Variants in NAALADL2 observed in about 807,000 individuals in gnomAD.
NAALADL2 encodes the protein N-acetylated alpha-linked acidic dipeptidase like 2.
A neutral mutation model predicts 87.2 loss-of-function variants in NAALADL2; 76 were observed. The observed-to-expected ratio is 0.87, with a 90% confidence interval of 0.72 to 1.05. The LOEUF is 1.05. Among genes scored for constraint, NAALADL2 ranks in the 50% least tolerant of loss-of-function variants. The probability of loss-of-function intolerance (pLI) is 0.00; values close to 1 mark genes in which losing one functional copy is unlikely to be tolerated. For missense variants in NAALADL2, 1,089 were observed against 945.8 expected, an observed-to-expected ratio of 1.15 and a Z score of -1.99; for synonymous variants, 354 against 331.0, an observed-to-expected ratio of 1.07 and a Z score of -0.75.
intron 3 of NAALADL2, among the ~76,000 whole-genome samples, chr3:174,775,376 A>G (rs1046478435): frequency 6.6e-6 from 1 of 152,142 alleles, no homozygotes; most frequent in Non-Finnish European, 1.5e-5. Context: ...GATATTCATA[A>G]AAGTGGAATA....
intron 3 of NAALADL2, among the ~76,000 whole-genome samples, chr3:174,764,406 T>A (rs1437500735): frequency 2.0e-5 from 3 of 152,156 alleles, no homozygotes; most frequent in East Asian, 3.9e-4. Flanking sequence ...GATCAAGAGA[T>A]TGAGGCCATC....
chr3:175,527,387 C>T (rs770226076), intron 9 of NAALADL2, among the ~76,000 whole-genome samples: 1 of 151,986 alleles, frequency 6.6e-6, no homozygotes, highest in Non-Finnish European at 1.5e-5. Flanking sequence ...GGTCAATAAC[C>T]CACCAACATT....
intron 11 of NAALADL2, among the ~76,000 whole-genome samples, chr3:175,682,711 C>CT (rs1322605810): frequency 6.6e-6 from 1 of 151,872 alleles, no homozygotes. Context: ...TGGTTTAATT[C>CT]TTTTTTTCAA....
At chr3:175,593,512 T>G (rs1465969689) in intron 10 of NAALADL2, among the ~76,000 whole-genome samples, 1 of 152,164 alleles carries the variant, frequency 6.6e-6, no homozygotes, top group East Asian at 1.9e-4. Context: ...ACTGAGTGAC[T>G]TAAACAAGAG....
At position 174,512,959 on chromosome 3, in the gene NAALADL2, A is replaced by AT. The variant is rs775660030; in HGVS notation, c.-183-37594dup. On this transcript the variant is annotated intron_variant, in intron 1 of 3. Coordinates refer to the NAALADL2 transcript ENST00000434257. ...TGACCAGTGCCACCAAATAAGCTTG[A>AT]TTTTTTTTTTTTTTTTCTGGGAGAC... 6.0e-3 allele frequency among the ~76,000 whole-genome samples: 832 copies of AT among 137,586 alleles called. 11 individuals carry two copies. The highest frequency in any genetic ancestry group is 0.013 in the Admixed American group (181 of 13,654). 90.3% of individuals were successfully genotyped at this position (137,586 alleles called of 152,430 possible).
intron 1 of NAALADL2, among the ~76,000 whole-genome samples, chr3:174,919,590 C>T (rs1237705664): frequency 6.6e-6 from 1 of 152,162 alleles, no homozygotes; most frequent in Non-Finnish European, 1.5e-5. Flanking sequence ...GAAGTTATCT[C>T]CTCCACTGAA....
chr3:175,089,948 T>G (rs1719769482), intron 1 of NAALADL2, among the ~76,000 whole-genome samples: 1 of 152,104 alleles, frequency 6.6e-6, no homozygotes, highest in Admixed American at 6.6e-5. Flanking sequence ...ATATTAAAAT[T>G]TTTTCTCCTC....
chr3:174,833,537 G>A (rs1722981293), intron 3 of NAALADL2, among the ~76,000 whole-genome samples: 1 of 151,964 alleles, frequency 6.6e-6, no homozygotes, highest in Admixed American at 6.6e-5. Flanking sequence ...GGAAAAACTT[G>A]CCCACGTATA....
At chr3:175,681,245 T>A (rs914943824) in intron 11 of NAALADL2, among the ~76,000 whole-genome samples, 5 of 152,200 alleles carry the variant, frequency 3.3e-5, no homozygotes, top group Non-Finnish European at 7.3e-5. Flanking sequence ...GAAGTGGTTA[T>A]TGACAAGATT....
At chr3:175,558,238 T>G (rs1442196906) in intron 9 of NAALADL2, among the ~76,000 whole-genome samples, 2 of 151,338 alleles carry the variant, frequency 1.3e-5, no homozygotes, top group African/African-American at 4.8e-5. Flanking sequence ...AAGAAAAATG[T>G]CTAATCAGGT....
chr3:175,051,723 T>C (rs1251815256), intron 1 of NAALADL2, among the ~76,000 whole-genome samples: 5 of 152,064 alleles, frequency 3.3e-5, no homozygotes, highest in Admixed American at 3.3e-4. Flanking sequence ...CTTTAGGAGG[T>C]GAAAATTCTT....
At chr3:175,536,685 G>A (rs1037951723) in intron 9 of NAALADL2, among the ~76,000 whole-genome samples, 14 of 152,080 alleles carry the variant, frequency 9.2e-5, no homozygotes, top group Admixed American at 7.2e-4. Context: ...AATGTATTAT[G>A]TTTAGTTTTA....
intron 11 of NAALADL2, among the ~76,000 whole-genome samples, chr3:175,633,584 T>C (rs896454146): frequency 3.4e-4 from 52 of 152,020 alleles, no homozygotes; most frequent in African/African-American, 1.2e-3. Flanking sequence ...ATAGTATATA[T>C]AAAAATCTCT....
intron 1 of NAALADL2, among the ~76,000 whole-genome samples, chr3:174,883,155 C>T (rs921101436): frequency 6.6e-6 from 1 of 151,962 alleles, no homozygotes; most frequent in African/African-American, 2.4e-5. Context: ...TCTAGCCATG[C>T]TAGCCACTGA....
chr3:174,522,858 C>T lies in NAALADL2; in HGVS notation c.-183-27711C>T, dbSNP rs558016181. 7.6e-4 allele frequency among the ~76,000 whole-genome samples: 112 copies of T among 147,046 alleles called. 1 individual carries two copies. The highest frequency in any genetic ancestry group is 2.4e-3 in the African/African-American group (97 of 39,856). On this transcript the variant is annotated intron_variant, in intron 1 of 3. Coordinates refer to the NAALADL2 transcript ENST00000434257. The stretch of plus-strand genomic sequence containing the variant: ...CTGAGGCAGGAGAATGGCGTGAACC[C>T]GGGAGGCGGAGCTTGCAGTGAGCCG...
chr3:175,080,114 C>T (rs1412556013), intron 1 of NAALADL2, among the ~76,000 whole-genome samples: 5 of 152,016 alleles, frequency 3.3e-5, no homozygotes, highest in African/African-American at 7.2e-5. Flanking sequence ...TACAGGCGCC[C>T]GCCACGGCGC....
chr3:175,295,625 CAT>C (rs954381078), intron 4 of NAALADL2, among the ~76,000 whole-genome samples: 42 of 152,046 alleles, frequency 2.8e-4, no homozygotes, highest in African/African-American at 9.4e-4. Context: ...TTCATTCACA[CAT>C]GTCTTCTGTG....
intron 11 of NAALADL2, among the ~76,000 whole-genome samples, chr3:175,640,498 G>A (rs925844894): frequency 6.6e-6 from 1 of 152,038 alleles, no homozygotes; most frequent in Non-Finnish European, 1.5e-5. Flanking sequence ...CTTGTACAGA[G>A]AGGAAAACTG....
chr3:175,047,106 A>G (rs1485268735), intron 1 of NAALADL2, among the ~76,000 whole-genome samples: 1 of 152,118 alleles, frequency 6.6e-6, no homozygotes, highest in East Asian at 1.9e-4. Context: ...CAATGGCTCC[A>G]CTGTCATGAT....
Sources: allele counts gnomAD v4.1 joint callset (sites outside exome capture counted in the v4.1 genomes callset), GRCh38; gene constraint gnomAD v4.1.1; transcripts MANE v1.5; gene names NCBI Gene and HGNC (gene_info 2026-07-23, HGNC 2026-07-21).